The following HTR4 variants were observed in gnomAD, a reference collection of about 807,000 sequenced individuals.
HTR4 encodes the protein 5-hydroxytryptamine receptor 4.
Under a neutral mutation model 36.8 loss-of-function variants are expected in HTR4, and 16 were observed. That is an observed-to-expected ratio of 0.43 (90% CI 0.29 to 0.66). The LOEUF (loss-of-function observed/expected upper bound fraction) is 0.66, where lower values mean the gene tolerates loss of function less well. Ranked by LOEUF, HTR4 falls within the 30% of genes least tolerant of loss-of-function variation. The pLI is 0.13. For synonymous variants in HTR4, 189 were observed against 185.1 expected, an observed-to-expected ratio of 1.02 and a Z score of -0.17; for missense variants, 438 against 490.9, an observed-to-expected ratio of 0.89 and a Z score of 1.02.
intron 2 of HTR4, 57 bp downstream of exon 2, chr5:148,636,932 C>T (rs924029413): frequency 8.8e-7 from 1 of 1,130,788 alleles, no homozygotes; most frequent in African/African-American, 1.5e-5. Context: ...TTTTTAGAGT[C>T]TTCATAGCAG....
intron 2 of HTR4, among the ~76,000 whole-genome samples, chr5:148,635,940 T>C (rs1334377916): frequency 6.6e-6 from 1 of 152,196 alleles, no homozygotes; most frequent in Non-Finnish European, 1.5e-5. Context: ...TTGCTAAAAA[T>C]ACAGTCTCTT....
chr5:148,476,779 G>T (rs1483574563), downstream of HTR4: 2 of 1,612,900 alleles, frequency 1.2e-6, no homozygotes, highest in South Asian at 1.1e-5. Context: ...CGTAATTAAT[G>T]AACCACACTG....
chr5:148,454,915 C>A (rs1011441746), intron 5 of HTR4, among the ~76,000 whole-genome samples: 2 of 152,156 alleles, frequency 1.3e-5, no homozygotes, highest in African/African-American at 2.4e-5. Context: ...AGTCTTCAAA[C>A]AAGGGCTCAG....
intron 2 of HTR4, among the ~76,000 whole-genome samples, chr5:148,560,652 C>T (rs573696654): frequency 6.6e-5 from 10 of 152,148 alleles, no homozygotes; most frequent in Non-Finnish European, 7.4e-5. Context: ...TTCATGTTGG[C>T]GAATTCAATC....
At chr5:148,491,219 G>A (rs1023740535) in intron 6 of HTR4, among the ~76,000 whole-genome samples, 2 of 152,230 alleles carry the variant, frequency 1.3e-5, no homozygotes, top group Admixed American at 1.3e-4. Flanking sequence ...AGCCTGCCTA[G>A]TGGAAAGGGC....
At chr5:148,588,084 A>G (rs1003026782) in intron 2 of HTR4, among the ~76,000 whole-genome samples, 11 of 152,140 alleles carry the variant, frequency 7.2e-5, no homozygotes, top group African/African-American at 2.7e-4. Flanking sequence ...AGTGGAAGAA[A>G]TGAAAACACC....
intron 2 of HTR4, chr5:148,630,545 G>T (rs888122387): frequency 1.3e-4 from 20 of 152,098 alleles, no homozygotes; most frequent in African/African-American, 4.1e-4. Context: ...CAGAGAATGG[G>T]TACAGTCAGG....
intron 5 of HTR4, among the ~76,000 whole-genome samples, chr5:148,521,242 G>A (rs1464819607): frequency 2.6e-5 from 4 of 152,184 alleles, no homozygotes; most frequent in African/African-American, 7.2e-5. Context: ...TAGACAGAAT[G>A]AGATGGTTAA....
chr5:148,548,755 CCA>C lies in HTR4; in HGVS notation c.264_265del (p.Tyr88Ter). On this transcript the variant is annotated stop_gained and frameshift_variant, in exon 4 of 7. Transcript: ENST00000377888. LOFTEE classifies it high-confidence loss of function. ...TGTCCGAACAAGACAAAACACCTCCCCATAAATCCAGATGTCTTGAACCAGCT... is the reference window on the plus strand; with the variant it reads ...TGTCCGAACAAGACAAAACACCTCCCTAAATCCAGATGTCTTGAACCAGCT... 6.2e-7 allele frequency: 1 copy of C among 1,613,860 alleles called. No homozygotes were observed. Among genetic ancestry groups the C allele is most frequent in the East Asian group, 2.2e-5 (1 of 44,810 alleles).
At position 148,646,215 on chromosome 5, in the gene HTR4, G is replaced by C. The variant is rs532197993; in HGVS notation, c.-48+7847C>G. ...ACACTGGAAGGATGGAGTGCAATCT[G>C]TCCAGGTGAGCATACCCTTCTGAAA... On this transcript the variant is annotated intron_variant, in intron 1 of 6. Coordinates refer to ENST00000377888, the MANE Select transcript of HTR4 (RefSeq NM_000870.7). 5 of 152,350 alleles carry C rather than the reference G, an allele frequency of 3.3e-5. 1 individual carries two copies. Among genetic ancestry groups the C allele is most frequent in the African/African-American group, 1.2e-4 (5 of 41,582 alleles). 9.4% of individuals were successfully genotyped at this position (152,350 alleles called of 1,614,324 possible).
intron 2 of HTR4, among the ~76,000 whole-genome samples, chr5:148,574,390 GCTCTCT>G (rs137966163): frequency 1.5e-4 from 22 of 148,606 alleles, no homozygotes; most frequent in African/African-American, 5.4e-4. Flanking sequence ...GCTCTCGCGC[GCTCTCT>G]CTCTCTCTCT....
chr5:148,490,812 CAGA>C (rs947022567), intron 6 of HTR4: 14 of 772,082 alleles, frequency 1.8e-5, no homozygotes, highest in Middle Eastern at 2.7e-4. Context: ...TCACATTATG[CAGA>C]AGAAGTCGAA....
At chr5:148,650,765 T>C (rs1055254922) in intron 1 of HTR4, among the ~76,000 whole-genome samples, 3 of 152,222 alleles carry the variant, frequency 2.0e-5, no homozygotes, top group African/African-American at 7.2e-5. Context: ...TTTGAGCTAT[T>C]TCTGAATAAC....
intron 2 of HTR4, among the ~76,000 whole-genome samples, chr5:148,632,432 T>C (rs1211521867): frequency 6.6e-6 from 1 of 152,110 alleles, no homozygotes; most frequent in Non-Finnish European, 1.5e-5. Flanking sequence ...GTTGTTCTTA[T>C]TAAAGAAGGA....
chr5:148,562,846 G>A (rs573069844), intron 2 of HTR4, among the ~76,000 whole-genome samples: 1 of 152,082 alleles, frequency 6.6e-6, no homozygotes, highest in South Asian at 2.1e-4. Context: ...ACTTCATAAC[G>A]TTTCCTGATC....
chr5:148,517,269 C>T (rs1204909022), intron 5 of HTR4, among the ~76,000 whole-genome samples: 1 of 152,200 alleles, frequency 6.6e-6, no homozygotes, highest in African/African-American at 2.4e-5. Flanking sequence ...TACTGCCCTT[C>T]GTTCCTTAGA....
At chr5:148,453,164 T>A (rs543927114) in intron 5 of HTR4, among the ~76,000 whole-genome samples, 6 of 152,306 alleles carry the variant, frequency 3.9e-5, no homozygotes, top group Non-Finnish European at 8.8e-5. Flanking sequence ...GAGCAGCAGC[T>A]GAGTCCAGGT....
intron 6 of HTR4, among the ~76,000 whole-genome samples, chr5:148,493,214 G>T (rs1027976014): frequency 2.6e-5 from 4 of 152,142 alleles, no homozygotes; most frequent in African/African-American, 9.7e-5. Context: ...GACCAAGGCC[G>T]GCTTTGTGGG....
chr5:148,591,774 A>C (rs1341205368), intron 2 of HTR4, among the ~76,000 whole-genome samples: 1 of 152,176 alleles, frequency 6.6e-6, no homozygotes, highest in Non-Finnish European at 1.5e-5. Flanking sequence ...CAGTCACAAT[A>C]GCTATTACTA....
Sources: allele counts gnomAD v4.1 joint callset (sites outside exome capture counted in the v4.1 genomes callset), GRCh38; gene constraint gnomAD v4.1.1; transcripts MANE v1.5; gene names NCBI Gene and HGNC (gene_info 2026-07-23, HGNC 2026-07-21).